Variants in GRIK2 observed in about 807,000 individuals in gnomAD.
GRIK2 encodes glutamate receptor ionotropic, kainate 2.
In GRIK2, 32 loss-of-function variants were observed where a neutral mutation model predicts 100.3. The observed-to-expected ratio is 0.32, with a 90% CI of 0.24 to 0.43. The LOEUF (loss-of-function observed/expected upper bound fraction) is 0.43. Ranked by LOEUF, GRIK2 falls within the 20% of genes least tolerant of loss-of-function variation. GRIK2 has a pLI of 1.00. For missense variants in GRIK2, 843 were observed against 1,114.9 expected (o/e 0.76, Z 3.47); for synonymous variants, 417 against 389.4 (o/e 1.07, Z -0.83).
In GRIK2 at chr6:101,600,385, A is replaced by AT. The variant is rs1403258320; in HGVS notation, c.116-21558dup. Among the ~76,000 whole-genome samples the AT allele has an allele frequency of 4.0e-5, 6 of 151,556 alleles. No individual in the cohort carries two copies. The Admixed American group carries it at 4.0e-4, about 10-fold the overall frequency. Reference sequence around the variant, plus strand: ...TAGGGTTGCTTTAGCTTTTTGGGCTATTTTTTGGTTCCATGTGAAATTTGG... The same window carrying AT: ...TAGGGTTGCTTTAGCTTTTTGGGCTATTTTTTTGGTTCCATGTGAAATTTGG... On this transcript the variant is annotated intron_variant, in intron 2 of 16. Coordinates refer to ENST00000369134, the MANE Select transcript of GRIK2 (RefSeq NM_021956.5).
At chr6:101,952,498 T>A (rs1582603623) in intron 14 of GRIK2, among the ~76,000 whole-genome samples, 1 of 152,074 alleles carries the variant, frequency 6.6e-6, no homozygotes, top group South Asian at 2.1e-4. Flanking sequence ...GTTTTTTTTT[T>A]AAATAAAAGC....
intron 14 of GRIK2, among the ~76,000 whole-genome samples, chr6:101,943,737 A>G (rs1791100237): frequency 1.3e-5 from 2 of 152,122 alleles, no homozygotes; most frequent in Admixed American, 1.3e-4. Flanking sequence ...CATTTACCCA[A>G]TGCCTAGATC....
chr6:101,868,123 C>A (rs544956244), intron 11 of GRIK2, among the ~76,000 whole-genome samples: 60 of 149,800 alleles, frequency 4.0e-4, no homozygotes, highest in African/African-American at 1.4e-3. Flanking sequence ...AATAATTTTG[C>A]CCCTACAAAC....
chr6:101,769,543 G>A (rs1199089987), intron 7 of GRIK2, among the ~76,000 whole-genome samples: 1 of 152,158 alleles, frequency 6.6e-6, no homozygotes, highest in Non-Finnish European at 1.5e-5. Context: ...TTGAGTAAAT[G>A]TATGCTTTAT....
intron 7 of GRIK2, among the ~76,000 whole-genome samples, chr6:101,764,303 G>A (rs1777912240): frequency 1.3e-5 from 2 of 152,056 alleles, no homozygotes; most frequent in African/African-American, 4.8e-5. Flanking sequence ...TTGCAAGTTT[G>A]GAAACTCAAT....
intron 4 of GRIK2, among the ~76,000 whole-genome samples, chr6:101,631,703 C>G (rs1780751941): frequency 6.6e-6 from 1 of 152,044 alleles, no homozygotes; most frequent in Non-Finnish European, 1.5e-5. Context: ...CAATTCTATA[C>G]TTGTATGATC....
intron 4 of GRIK2, among the ~76,000 whole-genome samples, chr6:101,675,255 T>G (rs902779025): frequency 2.0e-5 from 3 of 151,756 alleles, no homozygotes; most frequent in East Asian, 3.9e-4. Context: ...TATACATACA[T>G]ACAGACAGTA....
At chr6:101,930,231 A>C (rs1338443315) in intron 14 of GRIK2, among the ~76,000 whole-genome samples, 10 of 151,840 alleles carry the variant, frequency 6.6e-5, no homozygotes, top group Non-Finnish European at 2.9e-5. Flanking sequence ...ATTCCCAGCT[A>C]CTTGGGAGGC....
intron 12 of GRIK2, among the ~76,000 whole-genome samples, chr6:101,906,400 A>G (rs570722730): frequency 4.3e-5 from 1 of 23,162 alleles, no homozygotes; most frequent in Admixed American, 7.0e-4. Context: ...GTGTGTTTAA[A>G]CCTTGGGATA....
intron 14 of GRIK2, among the ~76,000 whole-genome samples, chr6:101,943,146 G>A (rs1791062671): frequency 6.6e-6 from 1 of 152,180 alleles, no homozygotes; most frequent in Non-Finnish European, 1.5e-5. Flanking sequence ...GTACAGCTCA[G>A]GCCATTGTTT....
At chr6:101,512,769 T>A (rs1310873985) in intron 2 of GRIK2, among the ~76,000 whole-genome samples, 3 of 152,070 alleles carry the variant, frequency 2.0e-5, no homozygotes, top group Non-Finnish European at 4.4e-5. Flanking sequence ...TACATCTCAA[T>A]ACTAAGTATT....
intron 2 of GRIK2, among the ~76,000 whole-genome samples, chr6:101,610,231 A>G (rs1184566146): frequency 2.0e-5 from 3 of 151,668 alleles, no homozygotes; most frequent in Non-Finnish European, 2.9e-5. Flanking sequence ...TCTTAAAGTT[A>G]TAGTCCATAT....
intron 2 of GRIK2, among the ~76,000 whole-genome samples, chr6:101,417,929 T>C (rs1001284483): frequency 1.7e-4 from 26 of 152,242 alleles, no homozygotes; most frequent in African/African-American, 6.3e-4. Flanking sequence ...TCTTTTTTGT[T>C]ATCCTGAAAA....
chr6:101,621,591 G>A (rs918597937), intron 2 of GRIK2, among the ~76,000 whole-genome samples: 4 of 151,820 alleles, frequency 2.6e-5, no homozygotes, highest in Non-Finnish European at 5.9e-5. Context: ...ATTTTGGGGG[G>A]GATAAATTTC....
At chr6:101,716,851 A>C (rs1774110007) in intron 7 of GRIK2, among the ~76,000 whole-genome samples, 3 of 151,814 alleles carry the variant, frequency 2.0e-5, no homozygotes, top group Non-Finnish European at 2.9e-5. Flanking sequence ...AGATTCCAAA[A>C]GGTTAAATTA....
At chr6:101,691,988 G>A (rs1266530713) in intron 7 of GRIK2, among the ~76,000 whole-genome samples, 2 of 143,360 alleles carry the variant, frequency 1.4e-5, no homozygotes, top group Non-Finnish European at 3.0e-5. Context: ...GGAAGTTGAG[G>A]CTGCAGTGAA....
At chr6:101,836,661 AT>A (rs1194200766) in intron 10 of GRIK2, among the ~76,000 whole-genome samples, 181 of 57,796 alleles carry the variant, frequency 3.1e-3, no homozygotes, top group East Asian at 0.013. Context: ...ATATATATAT[AT>A]TTTTTTTTTT....
intron 1 of GRIK2, chr6:101,398,702 C>T (rs1157254180): frequency 3.7e-6 from 1 of 269,340 alleles, no homozygotes; most frequent in East Asian, 6.9e-5. Context: ...ATAAATAAAT[C>T]CTACTTCTTT....
chr6:101,481,585 ATT>A (rs1458433085), intron 2 of GRIK2, among the ~76,000 whole-genome samples: 1 of 152,158 alleles, frequency 6.6e-6, no homozygotes, highest in Non-Finnish European at 1.5e-5. Flanking sequence ...ATTTCAGATT[ATT>A]TTGAGTATTA....
Sources: gnomAD v4.1 joint callset for allele counts (sites outside exome capture counted in the v4.1 genomes callset) on GRCh38, gnomAD v4.1.1 for gene constraint, MANE v1.5 for transcripts, NCBI Gene and HGNC (gene_info 2026-07-23, HGNC 2026-07-21) for gene names.